Variants in CCDC171 observed in about 807,000 individuals in gnomAD.
CCDC171 encodes the protein coiled-coil domain-containing protein 171.
Under a neutral mutation model 168.2 loss-of-function variants are expected in CCDC171, and 177 were observed. The ratio of observed to expected loss-of-function variants is 1.05; its 90% CI spans 0.93 to 1.19. The LOEUF (loss-of-function observed/expected upper bound fraction) is 1.19, where lower values mean the gene tolerates loss of function less well. Ranked by LOEUF, CCDC171 falls within the 50% of genes most tolerant of loss-of-function variation. The pLI is 0.00. For missense variants in CCDC171, 1,991 were observed against 1,539.0 expected (o/e 1.29, Z -4.91); for synonymous variants, 687 against 540.8 (o/e 1.27, Z -3.75).
chr9:15,986,030 C>G (rs2987020), intron 3 of CCDC171, among the ~76,000 whole-genome samples: 75,268 of 152,020 alleles, frequency 0.5, 20,021 homozygotes, highest in African/African-American at 0.7. Context: ...AACAAGAAGG[C>G]ATAACTTCGT....
chr9:16,080,041 T>G, the CCDC171 span, among the ~76,000 whole-genome samples: 1 of 152,172 alleles, frequency 6.6e-6, no homozygotes, highest in African/African-American at 2.4e-5. Context: ...AGCTTCTTCT[T>G]ACAAAAAGCT....
chr9:15,963,651 T>C (rs1830549100), intron 25 of CCDC171, among the ~76,000 whole-genome samples: 1 of 152,238 alleles, frequency 6.6e-6, no homozygotes, highest in South Asian at 2.1e-4. Context: ...ATGTGTTGCA[T>C]TGTATTTCTT....
At chr9:15,774,447 T>A (rs960372895) in intron 18 of CCDC171, among the ~76,000 whole-genome samples, 4 of 151,386 alleles carry the variant, frequency 2.6e-5, no homozygotes, top group African/African-American at 9.7e-5. Flanking sequence ...TAAAAAAAAA[T>A]AAAAAATCAT....
chr9:15,579,031 T>C lies in CCDC171; in HGVS notation c.352+8T>C, dbSNP rs1254014683. On this transcript the variant is annotated splice_region_variant and intron_variant, in intron 4 of 25. Coordinates refer to ENST00000380701, the MANE Select transcript of CCDC171 (RefSeq NM_173550.4). ...TCCAAGAAAAACTCTGTGGTAAGAC[T>C]GTTTCTATTTCTTCCCAAGTTTAGG... 1.2e-6 allele frequency: 2 copies of C among 1,610,190 alleles called. No individual in the cohort carries two copies. The highest frequency in any genetic ancestry group is 1.1e-5 in the South Asian group (1 of 90,774).
intron 3 of CCDC171, among the ~76,000 whole-genome samples, chr9:16,000,991 G>T (rs1211565097): frequency 6.6e-6 from 1 of 152,128 alleles, no homozygotes; most frequent in Non-Finnish European, 1.5e-5. Flanking sequence ...GTCTGAAGAT[G>T]ATGATTGGCT....
intron 24 of CCDC171, among the ~76,000 whole-genome samples, chr9:15,906,174 G>A (rs2131728100): frequency 6.6e-6 from 1 of 152,310 alleles, no homozygotes; most frequent in Non-Finnish European, 1.5e-5. Context: ...CTCATTTTAT[G>A]AGGCCAGCAT....
Position 15,559,344 on chromosome 9 carries a change from C to T in CCDC171, c.-111-4634C>T, listed in dbSNP as rs150992901. 3.2e-3 allele frequency among the ~76,000 whole-genome samples: 486 copies of T among 152,028 alleles called. 2 individuals carry two copies. Among genetic ancestry groups the T allele is most frequent in the African/African-American group, 0.011 (464 of 41,354 alleles). On this transcript the variant is annotated intron_variant, in intron 1 of 25. Coordinates refer to ENST00000380701, the MANE Select transcript of CCDC171 (RefSeq NM_173550.4). ...TGTTTACAGTGGGGTTTTAAAGTCTCCCATTATTATTGTATGGGAGTCTAA... is the reference window on the plus strand; with the variant it reads ...TGTTTACAGTGGGGTTTTAAAGTCTTCCATTATTATTGTATGGGAGTCTAA...
At chr9:15,867,329 C>T (rs190483448) in intron 23 of CCDC171, among the ~76,000 whole-genome samples, 8 of 151,774 alleles carry the variant, frequency 5.3e-5, no homozygotes, top group East Asian at 3.9e-4. Flanking sequence ...TTTAGTTTTC[C>T]GTGCATTTAT....
At chr9:16,026,608 T>C (rs964040776) in intron 6 of CCDC171, among the ~76,000 whole-genome samples, 2 of 152,188 alleles carry the variant, frequency 1.3e-5, no homozygotes, top group Non-Finnish European at 2.9e-5. Context: ...AATATTCGCT[T>C]CTGTCCAGTC....
At chr9:15,885,270 C>CT (rs1245884444) in intron 24 of CCDC171, among the ~76,000 whole-genome samples, 3 of 152,070 alleles carry the variant, frequency 2.0e-5, no homozygotes, top group African/African-American at 7.2e-5. Flanking sequence ...TGTTACAACT[C>CT]TGAGTTCTAG....
intron 25 of CCDC171, among the ~76,000 whole-genome samples, chr9:15,960,823 T>C (rs1830264204): frequency 6.6e-6 from 1 of 152,094 alleles, no homozygotes; most frequent in African/African-American, 2.4e-5. Flanking sequence ...AGCCAGTCCC[T>C]CCAGAAAGGC....
At chr9:16,105,596 C>T in the CCDC171 span, among the ~76,000 whole-genome samples, 5,672 of 152,246 alleles carry the variant, frequency 0.037, 351 homozygotes, top group African/African-American at 0.13. Context: ...AAACCCGTCA[C>T]GGGCCTCTCT....
intron 18 of CCDC171, among the ~76,000 whole-genome samples, chr9:15,776,605 T>C (rs2057341818): frequency 6.6e-6 from 1 of 152,196 alleles, no homozygotes; most frequent in African/African-American, 2.4e-5. Flanking sequence ...CATTGAGGAA[T>C]AAAATAAGTA....
intron 7 of CCDC171, among the ~76,000 whole-genome samples, chr9:15,640,644 C>A (rs2046536263): frequency 6.6e-6 from 1 of 152,042 alleles, no homozygotes; most frequent in African/African-American, 2.4e-5. Flanking sequence ...AAAAAGCCAA[C>A]ATTGAAGGTC....
At chr9:15,873,773 T>A (rs1278602422) in intron 23 of CCDC171, among the ~76,000 whole-genome samples, 1 of 152,136 alleles carries the variant, frequency 6.6e-6, no homozygotes, top group East Asian at 1.9e-4. Flanking sequence ...AAGGTGGCAG[T>A]GTGATATCAA....
intron 10 of CCDC171, among the ~76,000 whole-genome samples, chr9:15,690,416 G>A (rs1054986562): frequency 6.6e-6 from 1 of 152,142 alleles, no homozygotes; most frequent in Non-Finnish European, 1.5e-5. Flanking sequence ...GATAATGTTT[G>A]TATGCCAAAT....
intron 11 of CCDC171, among the ~76,000 whole-genome samples, chr9:15,717,625 G>T (rs2053176727): frequency 6.6e-6 from 1 of 152,190 alleles, no homozygotes; most frequent in Admixed American, 6.5e-5. Context: ...ACCTTTTCTT[G>T]CAACTTGGAT....
chr9:15,945,278 G>A (rs879485370), intron 25 of CCDC171, among the ~76,000 whole-genome samples: 98 of 147,878 alleles, frequency 6.6e-4, no homozygotes, highest in African/African-American at 1.6e-3. Context: ...CCAGTCTATC[G>A]TTGTTGGACA....
intron 6 of CCDC171, among the ~76,000 whole-genome samples, chr9:16,029,604 A>T (rs1329801478): frequency 2.6e-5 from 4 of 152,232 alleles, no homozygotes; most frequent in Non-Finnish European, 4.4e-5. Flanking sequence ...CCAATATCCT[A>T]TGCCTGAAAG....
Sources: gnomAD v4.1 joint callset for allele counts (sites outside exome capture counted in the v4.1 genomes callset) on GRCh38, gnomAD v4.1.1 for gene constraint, MANE v1.5 for transcripts, NCBI Gene and HGNC (gene_info 2026-07-23, HGNC 2026-07-21) for gene names.